Variants in ENG observed in about 807,000 individuals in gnomAD.
ENG encodes endoglin, also known as CD105 antigen.
Under a neutral mutation model 71.0 loss-of-function variants are expected in ENG, and 17 were observed. The ratio of observed to expected loss-of-function variants is 0.24; its 90% confidence interval spans 0.16 to 0.36. The LOEUF (loss-of-function observed/expected upper bound fraction) is 0.36. ENG is among the 10% of genes least tolerant of loss of function. The pLI is 1.00. For synonymous variants in ENG, 360 were observed against 366.9 expected (o/e 0.98, Z 0.21); for missense variants, 749 against 868.3 (o/e 0.86, Z 1.73).
intron 9 of ENG, 95 bp from the exon 10 acceptor site, chr9:127,819,755 G>A (rs1588576752): frequency 2.5e-6 from 4 of 1,591,342 alleles, no homozygotes; most frequent in Non-Finnish European, 3.4e-6. Context: ...GGGAGACTAA[G>A]CCAACCAATG....
Position 127,846,361 on chromosome 9 carries a change from A to G in ENG, c.68-3116T>C, listed in dbSNP as rs1357393797. On this transcript the variant is annotated intron_variant, in intron 1 of 14. Coordinates refer to ENST00000373203, the MANE Select transcript of ENG (RefSeq NM_001114753.3). This position sits in a 1 kb window ranked among gnomAD's most constrained non-coding sequence, Gnocchi z 5.5. ...GGGACAGGTCAAAGTCTCACAGCACATGGTTGACCAGGCCGGGCCTCGGAC... is the reference window on the plus strand; with the variant it reads ...GGGACAGGTCAAAGTCTCACAGCACGTGGTTGACCAGGCCGGGCCTCGGAC... 1.3e-5 allele frequency among the ~76,000 whole-genome samples: 2 copies of G among 152,182 alleles called. No homozygotes were observed. The highest frequency in any genetic ancestry group is 2.1e-4 in the South Asian group (1 of 4,818).
intron 2 of ENG, chr9:127,832,872 T>C (rs1175333461): frequency 6.6e-6 from 1 of 152,206 alleles, no homozygotes; most frequent in Non-Finnish European, 1.5e-5. Flanking sequence ...TTCTCCTGCC[T>C]TAGCCTCCCA....
intron 2 of ENG, among the ~76,000 whole-genome samples, chr9:127,840,084 CA>C (rs1408483892): frequency 1.3e-5 from 2 of 152,348 alleles, no homozygotes; most frequent in Admixed American, 1.3e-4. Flanking sequence ...TGGATTCTTA[CA>C]ACACACCTGT....
chr9:127,821,880 TAAAAAAAAAA>T (rs34166162), intron 8 of ENG, among the ~76,000 whole-genome samples: 1 of 53,052 alleles, frequency 1.9e-5, no homozygotes, highest in Non-Finnish European at 3.6e-5. Flanking sequence ...GAGACTGTCT[TAAAAAAAAAA>T]AAAAAAAAAA....
chr9:127,837,774 GCATCCATCCATCCATCCATCCATC>G (rs5900769), intron 2 of ENG, among the ~76,000 whole-genome samples: 7 of 112,920 alleles, frequency 6.2e-5, no homozygotes, highest in Admixed American at 8.4e-5. Flanking sequence ...ATGCATGAAT[GCATCCATCCATCCATCCATCCATC>G]CATCCATCCA....
intron 1 of ENG, among the ~76,000 whole-genome samples, chr9:127,843,732 C>CACATATATATATATATATATAT (rs1554812389): frequency 7.8e-5 from 1 of 12,754 alleles, no homozygotes; most frequent in African/African-American, 2.4e-4. Context: ...CACACATCCA[C>CACATATATATATATATATATAT]ATACATATAT....
chr9:127,851,461 C>T (rs1405071649), intron 1 of ENG, among the ~76,000 whole-genome samples: 1 of 151,964 alleles, frequency 6.6e-6, no homozygotes, highest in Non-Finnish European at 1.5e-5. Context: ...CTCAGGTGAT[C>T]CACCCGCCTC....
chr9:127,836,415 G>C lies in ENG; in HGVS notation c.220-6588C>G, dbSNP rs73669427. On this transcript the variant is annotated intron_variant, in intron 2 of 14. Coordinates refer to ENST00000373203, the MANE Select transcript of ENG (RefSeq NM_001114753.3). This position sits in a 1 kb window ranked among gnomAD's most constrained non-coding sequence, Gnocchi z 4.0. ...GGGGATTTCGGTGAGGAGGCCCTGAGTGCTAGTAGCCACTTATAGAAAGTC... is the reference window on the plus strand; with the variant it reads ...GGGGATTTCGGTGAGGAGGCCCTGACTGCTAGTAGCCACTTATAGAAAGTC... Among the ~76,000 whole-genome samples the C allele has an allele frequency of 4.8e-3, 726 of 152,382 alleles. 5 individuals carry two copies. The highest frequency in any genetic ancestry group is 0.017 in the African/African-American group (687 of 41,600).
At chr9:127,843,067 C>CACCCG (rs773130896) in intron 2 of ENG, 27 bp downstream of exon 2, 22 of 1,613,502 alleles carry the variant, frequency 1.4e-5, no homozygotes, top group Non-Finnish European at 1.8e-5. Context: ...TCTGAGCCCC[C>CACCCG]ACCCGACCCT....
rs142923269 is a variant in ENG at position 127,851,312 on chromosome 9, C to T, written c.67+2977G>A. Among the ~76,000 whole-genome samples, 268 of 152,122 alleles carry T rather than the reference C, an allele frequency of 1.8e-3. 2 individuals are homozygous for T. Among genetic ancestry groups the T allele is most frequent in the African/African-American group, 6.2e-3 (256 of 41,498 alleles). The stretch of plus-strand genomic sequence containing the variant: ...TCGGCTCATCACAACCTCCACCTCC[C>T]AGGGTCAAGCGATTCTCCTGCCTCA... On this transcript the variant is annotated intron_variant, in intron 1 of 14. Coordinates refer to ENST00000373203, the MANE Select transcript of ENG (RefSeq NM_001114753.3).
chr9:127,817,724 G>A (rs559188219), intron 12 of ENG: 5 of 380,976 alleles, frequency 1.3e-5, no homozygotes, highest in African/African-American at 8.2e-5. Flanking sequence ...AGAAAGCCAG[G>A]AGTGTGTGTC....
chr9:127,826,387 G>C, intron 4 of ENG, 123 bp downstream of exon 4: 2 of 1,280,730 alleles, frequency 1.6e-6, no homozygotes, highest in Non-Finnish European at 2.2e-6. Context: ...TGTGGCATGT[G>C]AACTGTGGCA....
chr9:127,825,674 G>A, intron 5 of ENG, 21 bp downstream of exon 5: 1 of 1,541,728 alleles, frequency 6.5e-7, no homozygotes, highest in Non-Finnish European at 8.7e-7. Flanking sequence ...ACTAGTGTCA[G>A]GGGCGGGGCG....
At chr9:127,822,986 G>C (rs889224118) in intron 8 of ENG, among the ~76,000 whole-genome samples, 1 of 151,462 alleles carries the variant, frequency 6.6e-6, no homozygotes. Context: ...GACTACAGGC[G>C]TGCACCACCA....
In ENG at chr9:127,842,645, G is replaced by A. The variant is rs41536546; in HGVS notation, c.219+449C>T. Among the ~76,000 whole-genome samples the A allele has an allele frequency of 8.3e-4, 126 of 152,104 alleles. 1 individual carries two copies. The highest frequency in any genetic ancestry group is 1.6e-3 in the Non-Finnish European group (111 of 67,986). The stretch of plus-strand genomic sequence containing the variant: ...TCACCATGTTGGCCAGAATGGTCTC[G>A]ATCTCCTGACCTCGTGATCTACCCG... On this transcript the variant is annotated intron_variant, in intron 2 of 14. Transcript: ENST00000373203.
At position 127,826,630 on chromosome 9, in the gene ENG, T is replaced by C; in HGVS notation, c.403A>G (p.Thr135Ala). 1 of 1,613,970 alleles carries C rather than the reference T, an allele frequency of 6.2e-7. No individual in the cohort carries two copies. The highest frequency in any genetic ancestry group is 8.5e-7 in the Non-Finnish European group (1 of 1,179,976). Residue 135 changes from threonine to alanine, a missense_variant, in exon 4 of 15, where the codon ACC (threonine) becomes GCC (alanine). Coordinates refer to ENST00000373203, the MANE Select transcript of ENG (RefSeq NM_001114753.3). ...VTFQEPPGVN[T>A]TELPSFPKTQ... ...TTGGGGAAGGATGGCAGCTCTGTGG[T>C]GTTGACCCCCGGGGGCTCTTGGAAG...
Position 127,836,387 on chromosome 9 carries a change from AG to A in ENG, c.220-6561del, listed in dbSNP as rs894628313. On this transcript the variant is annotated intron_variant, in intron 2 of 14. Coordinates refer to ENST00000373203, the MANE Select transcript of ENG (RefSeq NM_001114753.3). The surrounding 1 kb of genome is among the most constrained non-coding windows in gnomAD (Gnocchi z 4.0). Reference sequence around the variant, plus strand: ...TGTTGCCCAGCAGTTGGTGGCAGGAAGGGGGGATTTCGGTGAGGAGGCCCTG... The same window carrying A: ...TGTTGCCCAGCAGTTGGTGGCAGGAAGGGGGATTTCGGTGAGGAGGCCCTG... Among the ~76,000 whole-genome samples, 2 of 152,222 alleles carry A rather than the reference AG, an allele frequency of 1.3e-5. No homozygotes were observed. Among genetic ancestry groups the A allele is most frequent in the African/African-American group, 4.8e-5 (2 of 41,460 alleles).
rs202048202 is a variant in ENG at position 127,843,244 on chromosome 9, A to G, written c.69T>C (p.Ser23=). Residue 23 remains serine (S), a splice_region_variant and synonymous_variant, in exon 2 of 15, where the codon AGT becomes AGC. Transcript: ENST00000373203. ...LLASCSLSPT[S]LAETVHCDLQ... Reference sequence around the variant, plus strand: ...GGTCACAATGGACTGTTTCTGCAAGACCTGTTGGAGAAACATCCGGAAAGA... The same window carrying G: ...GGTCACAATGGACTGTTTCTGCAAGGCCTGTTGGAGAAACATCCGGAAAGA... 39 of 1,614,162 alleles carry G rather than the reference A, an allele frequency of 2.4e-5. No individual in the cohort carries two copies. In the East Asian group the frequency reaches 8.5e-4, roughly 35 times the overall value.
At chr9:127,849,069 C>T (rs1249418672) in intron 1 of ENG, among the ~76,000 whole-genome samples, 13 of 152,114 alleles carry the variant, frequency 8.5e-5, no homozygotes, top group Admixed American at 8.5e-4. Flanking sequence ...CCTAAGTCAC[C>T]TTTAGTTACC....
Sources: gnomAD v4.1 joint callset for allele counts (sites outside exome capture counted in the v4.1 genomes callset) on GRCh38, gnomAD v4.1.1 for gene constraint, Gnocchi (gnomAD v3.1) non-coding constraint, MANE v1.5 for transcripts, NCBI Gene and HGNC (gene_info 2026-07-23, HGNC 2026-07-21) for gene names.